The following SNX30 variants were observed in gnomAD, a reference collection of about 807,000 sequenced individuals.
The protein encoded by SNX30 is sorting nexin family member 30.
Under a neutral mutation model 46.4 loss-of-function variants are expected in SNX30, and 24 were observed. The observed-to-expected ratio is 0.52, with a 90% CI of 0.37 to 0.73. The LOEUF (loss-of-function observed/expected upper bound fraction) is 0.73, where lower values mean the gene tolerates loss of function less well. Among genes scored for constraint, SNX30 ranks in the 30% least tolerant of loss-of-function variants. The pLI, the probability that SNX30 is intolerant of heterozygous loss-of-function variation, is 0.00. For synonymous variants in SNX30, 189 were observed against 211.5 expected, an observed-to-expected ratio of 0.89 and a Z score of 0.92; for missense variants, 533 against 555.7, an observed-to-expected ratio of 0.96 and a Z score of 0.41.
chr9:112,847,016 C>A (rs1272161807), intron 6 of SNX30, among the ~76,000 whole-genome samples: 1 of 152,168 alleles, frequency 6.6e-6, no homozygotes. Context: ...ATGTTGAAAG[C>A]CAAACCACAG....
intron 4 of SNX30, 66 bp downstream of exon 4, chr9:112,830,949 G>A: frequency 6.6e-7 from 1 of 1,504,884 alleles, no homozygotes; most frequent in South Asian, 1.3e-5. Flanking sequence ...CCTAAAAGCT[G>A]TTTTGAGCAG....
chr9:112,850,040 G>GC (rs1840998741), intron 6 of SNX30, among the ~76,000 whole-genome samples: 1 of 152,186 alleles, frequency 6.6e-6, no homozygotes, highest in South Asian at 2.1e-4. Context: ...AGTGAGGGGA[G>GC]CCCCAGGCAC....
At chr9:112,762,403 G>T (rs910260123) in intron 1 of SNX30, among the ~76,000 whole-genome samples, 1 of 152,146 alleles carries the variant, frequency 6.6e-6, no homozygotes, top group Admixed American at 6.5e-5. Context: ...TGTGCTACAT[G>T]CTGGGGCTGT....
chr9:112,833,060 T>C (rs1840693975), intron 4 of SNX30, among the ~76,000 whole-genome samples: 1 of 152,010 alleles, frequency 6.6e-6, no homozygotes, highest in African/African-American at 2.4e-5. Context: ...AAAATACACC[T>C]AACATTTACT....
chr9:112,832,421 T>G (rs936745874), intron 4 of SNX30, among the ~76,000 whole-genome samples: 3 of 125,632 alleles, frequency 2.4e-5, no homozygotes, highest in Non-Finnish European at 3.2e-5. Context: ...GTATGAAGAA[T>G]AAGTAGGAAA....
intron 6 of SNX30, among the ~76,000 whole-genome samples, chr9:112,840,699 T>C (rs1035874278): frequency 6.6e-6 from 1 of 152,224 alleles, no homozygotes; most frequent in Non-Finnish European, 1.5e-5. Flanking sequence ...TTGGCCACCC[T>C]TGATCTCCTG....
intron 6 of SNX30, among the ~76,000 whole-genome samples, chr9:112,844,010 G>T (rs1289750368): frequency 6.6e-6 from 1 of 152,184 alleles, no homozygotes; most frequent in Non-Finnish European, 1.5e-5. Context: ...GACAACTAGT[G>T]CTACAGTATG....
intron 1 of SNX30, among the ~76,000 whole-genome samples, chr9:112,776,685 G>A (rs1025791934): frequency 2.6e-5 from 4 of 152,250 alleles, no homozygotes; most frequent in Non-Finnish European, 5.9e-5. Flanking sequence ...AGACTCTGCA[G>A]TCAGCCTTTG....
chr9:112,806,028 A>G (rs1046797728), intron 2 of SNX30, among the ~76,000 whole-genome samples: 1 of 152,200 alleles, frequency 6.6e-6, no homozygotes, highest in Non-Finnish European at 1.5e-5. Flanking sequence ...AATAGTATTA[A>G]AGTTTTAGTC....
In SNX30 at chr9:112,831,557, A is replaced by G. The variant is rs375272924; in HGVS notation, c.618+674A>G. On this transcript the variant is annotated intron_variant, in intron 4 of 8. Coordinates refer to ENST00000374232, the MANE Select transcript of SNX30 (RefSeq NM_001012994.2). The stretch of plus-strand genomic sequence containing the variant: ...TGCATTTTACAGACAAGGAAACTCA[A>G]GTTCCAGGAGCTTGTCCTTGTTCAG... 3.9e-5 allele frequency among the ~76,000 whole-genome samples: 6 copies of G among 152,334 alleles called. No homozygotes were observed. In the East Asian group the frequency reaches 1.2e-3, roughly 29 times the overall value.
At chr9:112,813,799 A>G (rs75747873) in intron 2 of SNX30, among the ~76,000 whole-genome samples, 10,331 of 152,232 alleles carry the variant, frequency 0.068, 447 homozygotes, top group Non-Finnish European at 0.099. Flanking sequence ...AAAAAAAAAA[A>G]AAGTCTTACC....
intron 1 of SNX30, among the ~76,000 whole-genome samples, chr9:112,793,328 A>T (rs993597287): frequency 6.6e-6 from 1 of 152,190 alleles, no homozygotes; most frequent in Non-Finnish European, 1.5e-5. Context: ...AGGGCAGCCA[A>T]CCCAGATGCC....
At chr9:112,753,579 C>G (rs188111194) in intron 1 of SNX30, among the ~76,000 whole-genome samples, 1 of 152,134 alleles carries the variant, frequency 6.6e-6, no homozygotes, top group African/African-American at 2.4e-5. Flanking sequence ...GACGAGGTTT[C>G]GCCATGTTGG....
At chr9:112,885,416 C>CTG (rs1309001950), downstream of SNX30, 5 of 123,582 alleles carry the variant, frequency 4.0e-5, no homozygotes, top group African/African-American at 1.3e-4. Context: ...TACATGTATT[C>CTG]TGTGTGTGTA....
chr9:112,830,565 T>G (rs1429307416), intron 3 of SNX30, among the ~76,000 whole-genome samples, 160 bp from the exon 4 acceptor site: 1 of 152,200 alleles, frequency 6.6e-6, no homozygotes, highest in Non-Finnish European at 1.5e-5. Flanking sequence ...ACTCCATGTG[T>G]ATTTTTCAGA....
intron 1 of SNX30, among the ~76,000 whole-genome samples, chr9:112,795,679 G>C (rs796206980): frequency 5.9e-5 from 9 of 151,948 alleles, no homozygotes; most frequent in African/African-American, 1.9e-4. Context: ...GAGGTTCCCA[G>C]GGCAAATGTT....
At chr9:112,814,817 T>A (rs1840372945) in intron 2 of SNX30, among the ~76,000 whole-genome samples, 2 of 152,214 alleles carry the variant, frequency 1.3e-5, no homozygotes, top group South Asian at 4.1e-4. Context: ...TAGGAATTTA[T>A]TTTAAGGGAA....
chr9:112,822,658 C>CCCCCTTAT (rs1321531884), intron 3 of SNX30, among the ~76,000 whole-genome samples: 2 of 150,876 alleles, frequency 1.3e-5, no homozygotes, highest in African/African-American at 4.9e-5. Context: ...TACAGTCATT[C>CCCCCTTAT]CCCCTTATTT....
rs1020426544 is a variant in SNX30 at position 112,870,972 on chromosome 9, A to G, written c.*2129A>G. On this transcript the variant is annotated 3_prime_UTR_variant, in exon 9 of 9. Transcript: ENST00000374232. ...CCAGAAACATTCCTGTGTAATGGTT[A>G]GTTGGGAAAGAAGGCAGCACTTGAA... The G allele has an allele frequency of 6.6e-6, 1 of 152,232 alleles. No individual in the cohort carries two copies. The highest frequency in any genetic ancestry group is 2.4e-5 in the African/African-American group (1 of 41,474). 9.4% of individuals were successfully genotyped at this position (152,232 alleles called of 1,614,324 possible).
Sources: gnomAD v4.1 joint callset for allele counts (sites outside exome capture counted in the v4.1 genomes callset) on GRCh38, gnomAD v4.1.1 for gene constraint, MANE v1.5 for transcripts, NCBI Gene and HGNC (gene_info 2026-07-23, HGNC 2026-07-21) for gene names.